ATG7: variants seen among roughly 807,000 people sequenced by gnomAD.
ATG7 encodes the protein autophagy related 7.
Under a neutral mutation model 82.4 loss-of-function variants are expected in ATG7, and 70 were observed. The ratio of observed to expected loss-of-function variants is 0.85; its 90% CI spans 0.70 to 1.04. The LOEUF (loss-of-function observed/expected upper bound fraction) is 1.04. Ranked by LOEUF, ATG7 falls within the 50% of genes least tolerant of loss-of-function variation. The pLI is 0.00. For missense variants in ATG7, 792 were observed against 864.3 expected, an observed-to-expected ratio of 0.92 and a Z score of 1.05; for synonymous variants, 287 against 313.0, an observed-to-expected ratio of 0.92 and a Z score of 0.88.
chr3:11,528,461 G>GA (rs2092629325), intron 20 of ATG7, among the ~76,000 whole-genome samples: 2 of 152,116 alleles, frequency 1.3e-5, no homozygotes, highest in Non-Finnish European at 2.9e-5. Flanking sequence ...AGCCTACAGA[G>GA]AAAAATGCTT....
chr3:11,468,491 G>A (rs1211282809), intron 20 of ATG7, among the ~76,000 whole-genome samples: 6 of 152,184 alleles, frequency 3.9e-5, no homozygotes, highest in East Asian at 1.9e-4. Context: ...CACAGCTGCT[G>A]GGACTTAGGC....
intron 20 of ATG7, among the ~76,000 whole-genome samples, chr3:11,463,164 C>T (rs936520872): frequency 1.3e-5 from 2 of 152,040 alleles, no homozygotes; most frequent in African/African-American, 2.4e-5. Flanking sequence ...GGATTACAGG[C>T]GTGAGCCACC....
intron 20 of ATG7, among the ~76,000 whole-genome samples, chr3:11,442,739 CAAAAAAAAA>C (rs57073881): frequency 3.0e-4 from 21 of 69,250 alleles, no homozygotes; most frequent in East Asian, 1.0e-3. Flanking sequence ...TCCATCTCTA[CAAAAAAAAA>C]AAAAAAAAAA....
intron 4 of ATG7, 52 bp from the exon 5 acceptor site, chr3:11,299,310 A>T: frequency 6.5e-7 from 1 of 1,540,092 alleles, no homozygotes; most frequent in Non-Finnish European, 9.0e-7. Context: ...TTTTGTTATG[A>T]ACGCTGCTAT....
intron 20 of ATG7, among the ~76,000 whole-genome samples, chr3:11,506,426 A>G (rs959935478): frequency 1.3e-5 from 2 of 152,064 alleles, no homozygotes; most frequent in East Asian, 1.9e-4. Context: ...AAACATTTCC[A>G]TCATTGGTTG....
chr3:11,492,538 G>T (rs983680323), intron 20 of ATG7, among the ~76,000 whole-genome samples: 1 of 151,820 alleles, frequency 6.6e-6, no homozygotes, highest in African/African-American at 2.4e-5. Flanking sequence ...CGTGACAGGG[G>T]TTCCCTGTTT....
intron 20 of ATG7, chr3:11,477,265 TA>T: frequency 7.9e-7 from 1 of 1,259,200 alleles, no homozygotes; most frequent in Non-Finnish European, 1.0e-6. Context: ...CTTTGTTCCA[TA>T]AGGTAGATGA....
intron 18 of ATG7, among the ~76,000 whole-genome samples, chr3:11,379,372 T>A (rs908587226): frequency 6.6e-6 from 1 of 152,234 alleles, no homozygotes; most frequent in South Asian, 2.1e-4. Context: ...GCTGATACTC[T>A]GGAAATGTAA....
At chr3:11,329,859 A>T (rs983392754) in intron 9 of ATG7, among the ~76,000 whole-genome samples, 1 of 152,144 alleles carries the variant, frequency 6.6e-6, no homozygotes. Context: ...TTTTCCTGCA[A>T]TACTCTCTGT....
chr3:11,320,201 C>T (rs1400957087), intron 9 of ATG7, among the ~76,000 whole-genome samples: 2 of 152,130 alleles, frequency 1.3e-5, no homozygotes, highest in East Asian at 3.9e-4. Context: ...CCGTTAAGTG[C>T]TCACTCTTTC....
chr3:11,322,703 G>A (rs1162540534), intron 9 of ATG7, among the ~76,000 whole-genome samples: 1 of 152,012 alleles, frequency 6.6e-6, no homozygotes, highest in Non-Finnish European at 1.5e-5. Flanking sequence ...TTCACTATTA[G>A]GACTGCTTTG....
At chr3:11,516,099 T>C (rs942793262) in intron 20 of ATG7, among the ~76,000 whole-genome samples, 1 of 151,590 alleles carries the variant, frequency 6.6e-6, no homozygotes, top group Non-Finnish European at 1.5e-5. Flanking sequence ...GCACCAACTC[T>C]GTACCAACTG....
At chr3:11,551,453 A>G (rs558019828) in intron 20 of ATG7, among the ~76,000 whole-genome samples, 47 of 152,350 alleles carry the variant, frequency 3.1e-4, no homozygotes, top group African/African-American at 1.1e-3. Context: ...GTGTGGCTCT[A>G]TCTACTCCAG....
the ATG7 span, among the ~76,000 whole-genome samples, chr3:11,575,451 GTCTGCCCCTCTCT>G: frequency 6.6e-6 from 1 of 152,182 alleles, no homozygotes; most frequent in African/African-American, 2.4e-5. Context: ...TCGTGTGTGA[GTCTGCCCCTCTCT>G]CTCCTTGAGA....
In ATG7 at chr3:11,521,462, G is replaced by A. The variant is rs553124858; in HGVS notation, c.2080-33349G>A. Among the ~76,000 whole-genome samples the A allele has an allele frequency of 2.8e-3, 433 of 152,294 alleles. 3 individuals are homozygous for A. Among genetic ancestry groups the A allele is most frequent in the African/African-American group, 9.3e-3 (386 of 41,564 alleles). ...AGGCGCATCGCACAGCAGGGCACGG[G>A]GAAGGAGCAAGCCAAGCAAGGGATC... On this transcript the variant is annotated intron_variant, in intron 20 of 20. Transcript: ENST00000693202.
At chr3:11,433,572 T>G (rs1427099398) in intron 20 of ATG7, among the ~76,000 whole-genome samples, 1 of 152,228 alleles carries the variant, frequency 6.6e-6, no homozygotes, top group African/African-American at 2.4e-5. Context: ...CAAGCTATAT[T>G]GGTATATCCC....
intron 19 of ATG7, among the ~76,000 whole-genome samples, chr3:11,407,452 G>A (rs1244873038): frequency 1.3e-5 from 2 of 152,194 alleles, no homozygotes; most frequent in Non-Finnish European, 2.9e-5. Flanking sequence ...TCATTCTGAG[G>A]TCTAGAGGAC....
At chr3:11,371,906 G>C (rs531526842) in intron 18 of ATG7, among the ~76,000 whole-genome samples, 6 of 151,332 alleles carry the variant, frequency 4.0e-5, no homozygotes, top group Non-Finnish European at 8.8e-5. Flanking sequence ...AATTAGACAC[G>C]CACAGGTGTG....
At chr3:11,549,024 G>A (rs1218964463) in intron 20 of ATG7, among the ~76,000 whole-genome samples, 1 of 152,086 alleles carries the variant, frequency 6.6e-6, no homozygotes, top group Non-Finnish European at 1.5e-5. Context: ...AGAACATATT[G>A]TGAAGCAGTG....
Sources: allele counts gnomAD v4.1 joint callset (sites outside exome capture counted in the v4.1 genomes callset), GRCh38; gene constraint gnomAD v4.1.1; transcripts MANE v1.5; gene names NCBI Gene and HGNC (gene_info 2026-07-23, HGNC 2026-07-21).